The following AFG3L2 variants were observed in gnomAD, a reference collection of about 807,000 sequenced individuals.
AFG3L2 encodes mitochondrial inner membrane m-AAA protease component AFG3L2.
A neutral mutation model predicts 94.5 loss-of-function variants in AFG3L2; 54 were observed. The observed-to-expected ratio is 0.57, with a 90% confidence interval of 0.46 to 0.72. The LOEUF is 0.72. AFG3L2 is among the 30% of genes least tolerant of loss of function. AFG3L2 has a pLI of 0.00. For missense variants in AFG3L2, 754 were observed against 994.9 expected (o/e 0.76, Z 3.26); for synonymous variants, 377 against 365.5 (o/e 1.03, Z -0.36).
intron 16 of AFG3L2, among the ~76,000 whole-genome samples, chr18:12,332,952 T>TTATATATAAC (rs1476688703): frequency 4.1e-3 from 76 of 18,360 alleles, no homozygotes; most frequent in South Asian, 0.038. Context: ...TATAATATAT[T>TTATATATAAC]ATATACTATA....
At chr18:12,372,388 C>CTCT (rs1432476851) in intron 1 of AFG3L2, among the ~76,000 whole-genome samples, 1 of 152,078 alleles carries the variant, frequency 6.6e-6, no homozygotes, top group Non-Finnish European at 1.5e-5. Flanking sequence ...AAAAGACAGA[C>CTCT]AAGTATGGGT....
In AFG3L2 at chr18:12,358,932, A is replaced by T; in HGVS notation, c.764T>A (p.Leu255Gln). The T allele has an allele frequency of 6.2e-7, 1 of 1,612,908 alleles. No individual in the cohort carries two copies. The highest frequency in any genetic ancestry group is 8.5e-7 in the Non-Finnish European group (1 of 1,179,410). ...GATGAGCACCGTAGGCAGCATGCTC[A>T]GCAGAAAAGAGCTGGGGACACACAG... ...YIAESDGSFL[L>Q]SMLPTVLIIA... Residue 255 changes from leucine (L) to glutamine (Q), a missense_variant, in exon 8 of 17, where the codon CTG (leucine) becomes CAG (glutamine). Transcript: ENST00000269143.
intron 13 of AFG3L2, among the ~76,000 whole-genome samples, chr18:12,344,495 T>C (rs891139697): frequency 4.0e-5 from 6 of 151,852 alleles, no homozygotes; most frequent in Non-Finnish European, 7.4e-5. Flanking sequence ...GCCAACATGG[T>C]GAAACCCCGT....
intron 6 of AFG3L2, among the ~76,000 whole-genome samples, chr18:12,361,076 A>G (rs1908645154): frequency 1.3e-5 from 2 of 152,210 alleles, no homozygotes; most frequent in South Asian, 4.1e-4. Flanking sequence ...TAAGTCTATC[A>G]TATAAAACTC....
intron 8 of AFG3L2, among the ~76,000 whole-genome samples, chr18:12,357,839 T>C (rs1908540381): frequency 6.6e-6 from 1 of 152,160 alleles, no homozygotes. Flanking sequence ...CCTCAGGTGA[T>C]CCACCCACCT....
intron 15 of AFG3L2, among the ~76,000 whole-genome samples, chr18:12,339,594 G>A (rs1048818485): frequency 3.3e-5 from 5 of 149,430 alleles, no homozygotes; most frequent in South Asian, 2.1e-4. Flanking sequence ...AGTGGCTCAC[G>A]CCTGTAATCC....
intron 9 of AFG3L2, among the ~76,000 whole-genome samples, chr18:12,354,633 G>A (rs1167347991): frequency 1.3e-5 from 2 of 152,134 alleles, no homozygotes; most frequent in Non-Finnish European, 2.9e-5. Context: ...GCACTGCCAA[G>A]GTTGCCTTTT....
chr18:12,361,209 A>G (rs1028200484), intron 6 of AFG3L2, among the ~76,000 whole-genome samples: 2 of 152,152 alleles, frequency 1.3e-5, no homozygotes, highest in African/African-American at 4.8e-5. Context: ...GTCTCTACTA[A>G]AACTACAAAA....
intron 12 of AFG3L2, 89 bp downstream of exon 12, chr18:12,350,996 G>A: frequency 6.4e-7 from 1 of 1,550,724 alleles, no homozygotes; most frequent in South Asian, 1.1e-5. Context: ...CAGTAAAGAA[G>A]TGAAAAGGTA....
chr18:12,370,339 T>C (rs1017150795), intron 3 of AFG3L2, among the ~76,000 whole-genome samples: 2 of 152,168 alleles, frequency 1.3e-5, no homozygotes, highest in Non-Finnish European at 1.5e-5. Context: ...AGCCTTAAAT[T>C]ACTTCAATTT....
rs138262685 is a variant in AFG3L2 at position 12,358,823 on chromosome 18, G to C, written c.873C>G (p.Val291=). ...TGRGMGGLFS[V]GETTAKVLKD... is the part of the protein sequence containing the mutation. The stretch of plus-strand genomic sequence containing the variant: ...TTAAGACCTTGGCAGTGGTTTCTCC[G>C]ACACTGAAGAGTCCGCCCATCCCTC... The change falls in exon 8 of 17, where the codon GTC becomes GTG. Residue 291 remains valine, a synonymous_variant. Transcript: ENST00000269143. 6.2e-7 allele frequency: 1 copy of C among 1,614,070 alleles called. No individual in the cohort carries two copies. The highest frequency in any genetic ancestry group is 1.1e-5 in the South Asian group (1 of 91,082).
chr18:12,340,528 G>A, intron 14 of AFG3L2, 127 bp from the exon 15 acceptor site: 2 of 786,180 alleles, frequency 2.5e-6, no homozygotes, highest in African/African-American at 1.7e-5. Context: ...ATCAGCCTTA[G>A]TGGGATGTGA....
chr18:12,358,576 A>T, intron 8 of AFG3L2, 94 bp downstream of exon 8: 1 of 1,465,714 alleles, frequency 6.8e-7, no homozygotes, highest in Non-Finnish European at 9.3e-7. Flanking sequence ...AGGACAGAAA[A>T]ACAGCTATCT....
chr18:12,329,809 A>G, intron 16 of AFG3L2, 26 bp from the exon 17 acceptor site: 1 of 1,573,620 alleles, frequency 6.4e-7, no homozygotes, highest in Non-Finnish European at 8.7e-7. Flanking sequence ...TTTTCATTAA[A>G]TACAGTTACT....
intron 14 of AFG3L2, chr18:12,341,467 A>T (rs1426492012): frequency 1.3e-5 from 2 of 152,176 alleles, no homozygotes; most frequent in African/African-American, 4.8e-5. Context: ...AACCACAGAC[A>T]TGCCTTCTGT....
At position 12,376,887 on chromosome 18, in the gene AFG3L2, A is replaced by G. The variant is rs889970358; in HGVS notation, c.114+82T>C. ...CGCGTGCGGCCGGAGGGCGGGGGCC[A>G]GTGACCTTGACGTCCGCTCTCCCGA... is the stretch of plus-strand genomic sequence containing the variant. On this transcript the variant is annotated intron_variant, in intron 1 of 16. Transcript: ENST00000269143. 9 of 1,103,392 alleles carry G rather than the reference A, an allele frequency of 8.2e-6. No individual in the cohort carries two copies. In the African/African-American group the frequency reaches 1.3e-4, roughly 16 times the overall value. 68.4% of individuals were successfully genotyped at this position (1,103,392 alleles called of 1,614,324 possible). A position where few individuals can be genotyped will look rare whatever the true frequency, so the allele number is the denominator to read the frequency against.
chr18:12,367,652 G>A (rs1206043863), intron 3 of AFG3L2, among the ~76,000 whole-genome samples: 1 of 152,214 alleles, frequency 6.6e-6, no homozygotes, highest in Non-Finnish European at 1.5e-5. Context: ...CTTCACAGAG[G>A]GAGAAAGTAT....
Position 12,329,296 on chromosome 18 carries a change from C to T in AFG3L2, c.*269G>A. On this transcript the variant is annotated 3_prime_UTR_variant, in exon 17 of 17. Coordinates refer to ENST00000269143, the MANE Select transcript of AFG3L2 (RefSeq NM_006796.3). ...TGGTGCCACAGGGTCCAGCCTCGGC[C>T]ACTCTGGGCTCAACCTTTCCAGCAC... 2 of 691,210 alleles carry T rather than the reference C, an allele frequency of 2.9e-6. No homozygotes were observed. Among genetic ancestry groups the T allele is most frequent in the Non-Finnish European group, 2.6e-6 (1 of 379,798 alleles). 42.8% of individuals were successfully genotyped at this position (691,210 alleles called of 1,614,324 possible). A position where few individuals can be genotyped will look rare whatever the true frequency, so the allele number is the denominator to read the frequency against.
Position 12,351,359 on chromosome 18 carries a change from A to T in AFG3L2, c.1373T>A (p.Ile458Asn). 6.2e-7 allele frequency: 1 copy of T among 1,614,186 alleles called. No individual in the cohort carries two copies. The highest frequency in any genetic ancestry group is 1.1e-5 in the South Asian group (1 of 91,086). ...VILAGTNRPDILDPALLRPGR... is the reference protein window; with the variant it reads ...VILAGTNRPDNLDPALLRPGR... ...CGGCCTAAGCAGCGCGGGGTCCAGG[A>T]TATCTGGTCGATTGGTGCCGGCCAA... The change falls in exon 11 of 17, where the codon ATC (isoleucine) becomes AAC (asparagine). Residue 458 changes from isoleucine to asparagine, a missense_variant. Coordinates refer to ENST00000269143, the MANE Select transcript of AFG3L2 (RefSeq NM_006796.3).
Sources: gnomAD v4.1 joint callset for allele counts (sites outside exome capture counted in the v4.1 genomes callset) on GRCh38, gnomAD v4.1.1 for gene constraint, MANE v1.5 for transcripts, NCBI Gene and HGNC (gene_info 2026-07-23, HGNC 2026-07-21) for gene names.